VPS50: variants seen among roughly 807,000 people sequenced by gnomAD.
VPS50 encodes VPS50 subunit of EARP/GARPII complex, also known as syndetin.
A neutral mutation model predicts 139.7 loss-of-function variants in VPS50; 70 were observed. The ratio of observed to expected loss-of-function variants is 0.50; its 90% CI spans 0.41 to 0.61. The LOEUF (loss-of-function observed/expected upper bound fraction) is 0.61. Ranked by LOEUF, VPS50 falls within the 20% of genes least tolerant of loss-of-function variation. The probability of loss-of-function intolerance (pLI) is 0.00; values close to 1 mark genes in which losing one functional copy is unlikely to be tolerated. For missense variants in VPS50, 921 were observed against 1,133.7 expected (o/e 0.81, Z 2.69); for synonymous variants, 365 against 376.7 (o/e 0.97, Z 0.36).
At chr7:93,336,472 G>T (rs10488538) in intron 22 of VPS50, among the ~76,000 whole-genome samples, 3,687 of 152,212 alleles carry the variant, frequency 0.024, 69 homozygotes, top group East Asian at 0.088. Flanking sequence ...TATCCATTTG[G>T]TTATGCTAAC....
chr7:93,345,275 C>T (rs1584491424), intron 23 of VPS50, among the ~76,000 whole-genome samples: 1 of 152,106 alleles, frequency 6.6e-6, no homozygotes, highest in South Asian at 2.1e-4. Context: ...CAAGACTAAA[C>T]CAGGAAGAAG....
intron 6 of VPS50, 21 bp from the exon 7 acceptor site, chr7:93,258,138 A>G (rs1385156366): frequency 3.0e-6 from 3 of 1,015,014 alleles, no homozygotes; most frequent in African/African-American, 3.2e-5. Flanking sequence ...ACTTTTAACT[A>G]TTTATTGTTC....
At chr7:93,246,655 AG>A (rs1478061441) in intron 2 of VPS50, among the ~76,000 whole-genome samples, 8 of 151,908 alleles carry the variant, frequency 5.3e-5, no homozygotes, top group African/African-American at 1.9e-4. Flanking sequence ...TTTTTATAAA[AG>A]TGAATAGAAT....
At chr7:93,260,758 T>C (rs1300001987) in intron 9 of VPS50, among the ~76,000 whole-genome samples, 1 of 151,980 alleles carries the variant, frequency 6.6e-6, no homozygotes, top group African/African-American at 2.4e-5. Flanking sequence ...TGCAGTGGCG[T>C]GATCTTGGCT....
chr7:93,323,743 CT>C lies in VPS50; in HGVS notation c.1977+14del. On this transcript the variant is annotated intron_variant, in intron 21 of 27. Coordinates refer to ENST00000305866, the MANE Select transcript of VPS50 (RefSeq NM_017667.4). ...GGTCGGAATGATTCAGTAAGTCCACCTTTAGAGGGAAAAAAATCTTTCTTTT... is the reference window on the plus strand; with the variant it reads ...GGTCGGAATGATTCAGTAAGTCCACCTTAGAGGGAAAAAAATCTTTCTTTT... 7.3e-7 allele frequency: 1 copy of C among 1,369,664 alleles called. No individual in the cohort carries two copies. The highest frequency in any genetic ancestry group is 9.8e-7 in the Non-Finnish European group (1 of 1,023,996). The allele number at this position is 1,369,664 out of a possible 1,614,324, so 84.8% of individuals were successfully genotyped here.
intron 20 of VPS50, among the ~76,000 whole-genome samples, chr7:93,317,050 C>T (rs1423044976): frequency 6.6e-6 from 1 of 152,132 alleles, no homozygotes; most frequent in South Asian, 2.1e-4. Context: ...ACAGCAAGAT[C>T]AGTCAGTGAA....
chr7:93,264,601 T>G (rs1795783791), intron 9 of VPS50, among the ~76,000 whole-genome samples: 1 of 152,224 alleles, frequency 6.6e-6, no homozygotes, highest in South Asian at 2.1e-4. Flanking sequence ...TCATAATCTT[T>G]CAAGAATTCC....
At chr7:93,253,746 G>A in intron 3 of VPS50, 114 bp from the exon 4 acceptor site, 1 of 585,776 alleles carries the variant, frequency 1.7e-6, no homozygotes, top group Non-Finnish European at 3.1e-6. Context: ...GCAGTGGGAT[G>A]TGACACTGTT....
In VPS50 at chr7:93,305,980, A is replaced by G. The variant is rs1797104923; in HGVS notation, c.1605A>G (p.Thr535=). The G allele has an allele frequency of 6.2e-7, 1 of 1,612,314 alleles. No homozygotes were observed. The highest frequency in any genetic ancestry group is 8.5e-7 in the Non-Finnish European group (1 of 1,178,618). Residue 535 remains threonine, a synonymous_variant, in exon 18 of 28, where the codon ACA becomes ACG. Coordinates refer to ENST00000305866, the MANE Select transcript of VPS50 (RefSeq NM_017667.4). ...AGGCCAACCACAAAGATGAAGAAAC[A>G]GAAGATGTCTTAGCTTCTAATGGGG... ...EIQANHKDEE[T]EDVLASNGYE...
chr7:93,342,584 C>G (rs1584488288), intron 23 of VPS50, among the ~76,000 whole-genome samples: 1 of 152,336 alleles, frequency 6.6e-6, no homozygotes, highest in East Asian at 1.9e-4. Flanking sequence ...CCCTGTCTGA[C>G]AGCTTTGAAG....
chr7:93,278,691 G>A (rs1796235490), intron 12 of VPS50, among the ~76,000 whole-genome samples: 1 of 150,002 alleles, frequency 6.7e-6, no homozygotes, highest in Admixed American at 6.7e-5. Flanking sequence ...CTTATCCTTA[G>A]TTTCATCTTT....
At chr7:93,254,286 T>C (rs532877360) in intron 4 of VPS50, among the ~76,000 whole-genome samples, 11 of 152,362 alleles carry the variant, frequency 7.2e-5, no homozygotes, top group Admixed American at 7.2e-4. Flanking sequence ...TTTTTGTTTT[T>C]TGAGACAGGG....
At chr7:93,234,239 A>G (rs918670338) in intron 1 of VPS50, among the ~76,000 whole-genome samples, 1 of 152,036 alleles carries the variant, frequency 6.6e-6, no homozygotes, top group African/African-American at 2.4e-5. Flanking sequence ...AGTTTTTTTG[A>G]CCTCATTTTG....
At chr7:93,324,982 C>T (rs866259611) in intron 21 of VPS50, among the ~76,000 whole-genome samples, 21 of 152,046 alleles carry the variant, frequency 1.4e-4, no homozygotes, top group East Asian at 5.8e-4. Context: ...GAGCCTGCAT[C>T]GCCAAGTCAA....
chr7:93,347,493 T>G lies in VPS50; in HGVS notation c.2208-1218T>G, dbSNP rs1199034413. ...ATTACTGGGTATATACCCAAAGGAC[T>G]ATAAATCATGCTGCTATAAAGACAC... On this transcript the variant is annotated intron_variant, in intron 23 of 27. Transcript: ENST00000305866. 4.6e-5 allele frequency among the ~76,000 whole-genome samples: 4 copies of G among 87,166 alleles called. 1 individual carries two copies. Among genetic ancestry groups the G allele is most frequent in the Non-Finnish European group, 8.4e-5 (4 of 47,898 alleles). 57.2% of individuals were successfully genotyped at this position (87,166 alleles called of 152,430 possible).
intron 11 of VPS50, among the ~76,000 whole-genome samples, chr7:93,274,386 A>C (rs977429152): frequency 2.5e-4 from 38 of 152,084 alleles, no homozygotes; most frequent in Non-Finnish European, 5.9e-5. Flanking sequence ...GCCAGTGCTC[A>C]TTTATGATTC....
chr7:93,349,562 C>G (rs1798500450), intron 24 of VPS50, among the ~76,000 whole-genome samples: 1 of 152,064 alleles, frequency 6.6e-6, no homozygotes, highest in African/African-American at 2.4e-5. Context: ...ATCCTGACAT[C>G]ATGTAGTGGG....
At chr7:93,324,241 A>G (rs1229597732) in intron 21 of VPS50, among the ~76,000 whole-genome samples, 2 of 152,232 alleles carry the variant, frequency 1.3e-5, no homozygotes, top group Non-Finnish European at 2.9e-5. Context: ...AAACAGGGAC[A>G]ATTTGACTTG....
intron 12 of VPS50, among the ~76,000 whole-genome samples, chr7:93,291,309 A>G (rs549922184): frequency 2.0e-4 from 30 of 152,216 alleles, no homozygotes; most frequent in African/African-American, 7.2e-4. Flanking sequence ...TGTAAATCCA[A>G]CCTTCTTTTT....
Sources: gnomAD v4.1 joint callset for allele counts (sites outside exome capture counted in the v4.1 genomes callset) on GRCh38, gnomAD v4.1.1 for gene constraint, MANE v1.5 for transcripts, NCBI Gene and HGNC (gene_info 2026-07-23, HGNC 2026-07-21) for gene names.